SLAMF9: variants seen among roughly 807,000 people sequenced by gnomAD.
The protein encoded by SLAMF9 is CD2 family member 10.
Under a neutral mutation model 30.4 loss-of-function variants are expected in SLAMF9, and 25 were observed. That is an observed-to-expected ratio of 0.82 (90% CI 0.60 to 1.15). The LOEUF (loss-of-function observed/expected upper bound fraction) is 1.15, where lower values mean the gene tolerates loss of function less well. SLAMF9 is among the 50% of genes most tolerant of loss of function. The probability of loss-of-function intolerance (pLI) is 0.00; values close to 1 mark genes in which losing one functional copy is unlikely to be tolerated. For synonymous variants in SLAMF9, 129 were observed against 127.2 expected, an observed-to-expected ratio of 1.01 and a Z score of -0.09; for missense variants, 344 against 346.1, an observed-to-expected ratio of 0.99 and a Z score of 0.05.
chr1:159,961,746 A>AT, the SLAMF9 span, among the ~76,000 whole-genome samples: 2 of 152,224 alleles, frequency 1.3e-5, no homozygotes, highest in South Asian at 4.1e-4. Context: ...GAAGAAGCCC[A>AT]CACAGGCAGG....
chr1:159,958,892 G>A (rs1423835541), upstream of SLAMF9, among the ~76,000 whole-genome samples: 11 of 152,224 alleles, frequency 7.2e-5, 1 homozygote, highest in Middle Eastern at 0.01. Context: ...TCTGGCCTCG[G>A]TCTCAGTCCA....
chr1:159,976,531 G>A, the SLAMF9 span: 1 of 152,168 alleles, frequency 6.6e-6, no homozygotes, highest in African/African-American at 2.4e-5. Context: ...TTTTCACAAT[G>A]TGCTTCTTTG....
the SLAMF9 span, chr1:159,973,048 C>T: frequency 1.4e-4 from 203 of 1,433,642 alleles, no homozygotes; most frequent in African/African-American, 2.1e-3. Flanking sequence ...TGGCCACCCT[C>T]GGGGGCCGCC....
chr1:159,966,849 T>C, the SLAMF9 span, among the ~76,000 whole-genome samples: 2 of 152,218 alleles, frequency 1.3e-5, no homozygotes, highest in Non-Finnish European at 2.9e-5. Context: ...ATTCCTCATA[T>C]ATTTTGGATT....
chr1:159,953,794 G>T, intron 1 of SLAMF9, 141 bp from the exon 2 acceptor site: 1 of 791,840 alleles, frequency 1.3e-6, no homozygotes, highest in Non-Finnish European at 2.0e-6. Context: ...TCCAGCTGCT[G>T]CTTCTGACTC....
chr1:159,957,588 C>T (rs534832122), upstream of SLAMF9, among the ~76,000 whole-genome samples: 99 of 152,256 alleles, frequency 6.5e-4, no homozygotes, highest in African/African-American at 2.4e-3. Context: ...CGTGCCACTG[C>T]ACCCCAGCCT....
At chr1:159,953,271 C>T (rs1466793044) in intron 2 of SLAMF9, 38 bp downstream of exon 2, 1 of 1,543,134 alleles carries the variant, frequency 6.5e-7, no homozygotes, top group Non-Finnish European at 8.8e-7. Flanking sequence ...TCAGAAGAGC[C>T]CCCAAAACCA....
chr1:159,951,863 G>A lies in SLAMF9; in HGVS notation c.668C>T (p.Pro223Leu), dbSNP rs1651757594. ...TGAAGGCTTCTCAGAAGCATAGTTAGGATCTGGGGTGGAAGAAAGGAGGAA... is the reference window on the plus strand; with the variant it reads ...TGAAGGCTTCTCAGAAGCATAGTTAAGATCTGGGGTGGAAGAAAGGAGGAA... ...PIPDGPFYAD[P>L]NYASEKPSTA... is the part of the protein sequence containing the mutation. The change falls in exon 4 of 4, where the codon CCT becomes CTT. Residue 223 changes from proline (P) to leucine (L), a missense_variant. By Grantham distance (98) the Pro-to-Leu change is moderately conservative. Transcript: ENST00000368093. 6.2e-7 allele frequency: 1 copy of A among 1,614,058 alleles called. No homozygotes were observed. The highest frequency in any genetic ancestry group is 8.5e-7 in the Non-Finnish European group (1 of 1,179,980).
chr1:159,968,640 T>C, the SLAMF9 span, among the ~76,000 whole-genome samples: 167 of 152,224 alleles, frequency 1.1e-3, no homozygotes, highest in African/African-American at 3.9e-3. Flanking sequence ...GTTTGAGTCA[T>C]TGGATTGTGA....
chr1:159,973,141 G>T, the SLAMF9 span: 1 of 1,540,634 alleles, frequency 6.5e-7, no homozygotes, highest in Non-Finnish European at 8.9e-7. Context: ...TGCAAGGTGT[G>T]GCCATCCTTG....
the SLAMF9 span, among the ~76,000 whole-genome samples, chr1:159,969,830 C>A: frequency 6.6e-6 from 1 of 152,098 alleles, no homozygotes; most frequent in Non-Finnish European, 1.5e-5. Context: ...ATCATTTGAG[C>A]CCAGGAGTTC....
intron 3 of SLAMF9, 101 bp from the exon 4 acceptor site, chr1:159,951,967 C>A: frequency 1.0e-6 from 1 of 999,296 alleles, no homozygotes. Flanking sequence ...CTCAAGTTCA[C>A]AATCAGTTGA....
At chr1:159,978,103 T>C in the SLAMF9 span, among the ~76,000 whole-genome samples, 1 of 152,140 alleles carries the variant, frequency 6.6e-6, no homozygotes, top group East Asian at 1.9e-4. Context: ...TTAAGTTCCA[T>C]AGGAACATTT....
At chr1:159,954,742 G>C (rs904792176), upstream of SLAMF9, among the ~76,000 whole-genome samples, 1 of 152,156 alleles carries the variant, frequency 6.6e-6, no homozygotes, top group Non-Finnish European at 1.5e-5. Flanking sequence ...TCCCACCTGA[G>C]AGGCTATTCG....
the SLAMF9 span, chr1:159,976,989 G>GGAAAGAAA: frequency 2.3e-5 from 1 of 44,060 alleles, no homozygotes; most frequent in Non-Finnish European, 6.0e-5. Flanking sequence ...AAGGAAAGAA[G>GGAAAGAAA]GAAAGAAAGA....
chr1:159,979,284 A>G, the SLAMF9 span, among the ~76,000 whole-genome samples: 2 of 152,194 alleles, frequency 1.3e-5, no homozygotes, highest in African/African-American at 2.4e-5. Flanking sequence ...ACACCACCCC[A>G]ACACACATGA....
chr1:159,973,679 T>G, the SLAMF9 span: 1 of 892,652 alleles, frequency 1.1e-6, no homozygotes, highest in Non-Finnish European at 1.8e-6. Flanking sequence ...TCCCCACACA[T>G]TGGCCCAGCA....
At chr1:159,970,989 C>G in the SLAMF9 span, among the ~76,000 whole-genome samples, 1 of 152,206 alleles carries the variant, frequency 6.6e-6, no homozygotes, top group Non-Finnish European at 1.5e-5. Context: ...CTTCTGGCAT[C>G]AGTGTGTAAC....
rs769793931 is a variant in SLAMF9, at chr1:159,952,416, G to C, written c.510C>G (p.Leu170=). ...ATGTATAAGTGCTATCCCCCCGGGA[G>C]AGCCAGCTGTAGGTCATATCCATGC... ...KAGMDMTYSW[L]SRGDSTYTFH... is the part of the protein sequence containing the mutation. Residue 170 remains leucine (L), a synonymous_variant, in exon 3 of 4, where the codon CTC becomes CTG. Coordinates refer to ENST00000368093, the MANE Select transcript of SLAMF9 (RefSeq NM_033438.4). The C allele has an allele frequency of 6.2e-7, 1 of 1,614,110 alleles. No individual in the cohort carries two copies. The highest frequency in any genetic ancestry group is 8.5e-7 in the Non-Finnish European group (1 of 1,180,006).
Sources: gnomAD v4.1 joint callset for allele counts (sites outside exome capture counted in the v4.1 genomes callset) on GRCh38, gnomAD v4.1.1 for gene constraint, MANE v1.5 for transcripts, NCBI Gene and HGNC (gene_info 2026-07-23, HGNC 2026-07-21) for gene names.